Variants in B4GALNT2 observed in about 807,000 individuals in gnomAD.
B4GALNT2 encodes beta-1,4-N-acetyl-galactosaminyltransferase 2 (SID blood group).
In B4GALNT2, 42 loss-of-function variants were observed where a neutral mutation model predicts 51.1. The ratio of observed to expected loss-of-function variants is 0.82; its 90% CI spans 0.64 to 1.06. B4GALNT2 has a LOEUF of 1.06. B4GALNT2 is among the 50% of genes least tolerant of loss of function. The probability of loss-of-function intolerance (pLI) is 0.00; values close to 1 mark genes in which losing one functional copy is unlikely to be tolerated. For missense variants in B4GALNT2, 602 were observed against 633.6 expected (o/e 0.95, Z 0.54); for synonymous variants, 253 against 251.7 (o/e 1.01, Z -0.05).
chr17:49,131,670 C>A (rs567075661), upstream of B4GALNT2, among the ~76,000 whole-genome samples: 2 of 151,928 alleles, frequency 1.3e-5, 1 homozygote, highest in South Asian at 4.2e-4. Context: ...GCAATCACCC[C>A]GGGCTAATTT....
At chr17:49,122,903 T>G in the B4GALNT2 span, among the ~76,000 whole-genome samples, 6 of 152,218 alleles carry the variant, frequency 3.9e-5, 1 homozygote, top group Non-Finnish European at 7.3e-5. Context: ...CAGGGTGGCA[T>G]AGTCGAAAAT....
intron 1 of B4GALNT2, among the ~76,000 whole-genome samples, chr17:49,137,289 A>G (rs1416553410): frequency 6.6e-6 from 1 of 152,204 alleles, no homozygotes; most frequent in Non-Finnish European, 1.5e-5. Context: ...ATGGGGCCTT[A>G]TAAGAGGTGA....
intron 4 of B4GALNT2, among the ~76,000 whole-genome samples, chr17:49,154,584 A>G (rs1053704054): frequency 6.6e-6 from 1 of 151,598 alleles, no homozygotes; most frequent in Non-Finnish European, 1.5e-5. Context: ...ACCTCCAAGT[A>G]AGGTCTCGGT....
chr17:49,125,940 C>A, the B4GALNT2 span, among the ~76,000 whole-genome samples: 1 of 149,754 alleles, frequency 6.7e-6, no homozygotes, highest in East Asian at 2.0e-4. Context: ...CTCTGCCCGA[C>A]CGCCCCTACT....
chr17:49,158,477 T>C (rs1400788093), intron 5 of B4GALNT2, among the ~76,000 whole-genome samples: 1 of 151,832 alleles, frequency 6.6e-6, no homozygotes, highest in Non-Finnish European at 1.5e-5. Context: ...CTACTAAACA[T>C]ACAAAAACAA....
At chr17:49,147,374 C>CTTT (rs1475311406) in intron 3 of B4GALNT2, among the ~76,000 whole-genome samples, 175 of 143,924 alleles carry the variant, frequency 1.2e-3, no homozygotes, top group African/African-American at 4.1e-3. Context: ...TCTTTTCTTT[C>CTTT]TTTCTTTTTT....
At chr17:49,128,283 G>A (rs1372660762), upstream of B4GALNT2, among the ~76,000 whole-genome samples, 4 of 152,190 alleles carry the variant, frequency 2.6e-5, no homozygotes, top group South Asian at 8.3e-4. Context: ...GATTTGACTG[G>A]ATGGAGCAGT....
At chr17:49,131,361 C>T (rs1260811654), upstream of B4GALNT2, among the ~76,000 whole-genome samples, 2 of 149,138 alleles carry the variant, frequency 1.3e-5, no homozygotes, top group Non-Finnish European at 3.0e-5. Context: ...TGCTGGCTGC[C>T]AAGGAGCTCA....
At position 49,171,351 on chromosome 17, in the gene B4GALNT2, T is replaced by A; in HGVS notation, c.*1623T>A. 2.4e-6 allele frequency: 1 copy of A among 424,988 alleles called. No individual in the cohort carries two copies. The highest frequency in any genetic ancestry group is 7.1e-5 in the East Asian group (1 of 14,000). The allele number at this position is 424,988 out of a possible 1,614,324, so 26.3% of individuals were successfully genotyped here. A position where few individuals can be genotyped will look rare whatever the true frequency, so the allele number is the denominator to read the frequency against. On this transcript the variant is annotated 3_prime_UTR_variant, in exon 11 of 11. Coordinates refer to ENST00000393354, the MANE Select transcript of B4GALNT2 (RefSeq NM_001159387.2). Reference sequence around the variant, plus strand: ...TAATGGGTTAATATCTGCTAATCTGTCTGCAGCTCCTTCAAGCACTCCAGT... The same window carrying A: ...TAATGGGTTAATATCTGCTAATCTGACTGCAGCTCCTTCAAGCACTCCAGT...
intron 8 of B4GALNT2, among the ~76,000 whole-genome samples, chr17:49,164,962 C>A (rs919840064): frequency 6.6e-6 from 1 of 152,016 alleles, no homozygotes; most frequent in Non-Finnish European, 1.5e-5. Context: ...CAGGCATGCA[C>A]CATAATGCCA....
At chr17:49,163,398 G>A (rs2042881445) in intron 7 of B4GALNT2, among the ~76,000 whole-genome samples, 1 of 152,020 alleles carries the variant, frequency 6.6e-6, no homozygotes, top group African/African-American at 2.4e-5. Flanking sequence ...TCCTCTTCCT[G>A]GGCTTCATGA....
chr17:49,146,678 A>G (rs2144294440), intron 3 of B4GALNT2, among the ~76,000 whole-genome samples: 1 of 152,268 alleles, frequency 6.6e-6, no homozygotes. Flanking sequence ...TAGCTAAGCC[A>G]TGTGTCTAAA....
At chr17:49,151,613 G>A (rs1396656402) in intron 3 of B4GALNT2, among the ~76,000 whole-genome samples, 1 of 152,046 alleles carries the variant, frequency 6.6e-6, no homozygotes, top group Non-Finnish European at 1.5e-5. Flanking sequence ...GGGCATGGTG[G>A]TGTGTGCTTG....
rs937592145 is a variant in B4GALNT2 at position 49,152,865 on chromosome 17, A to C, written c.419A>C (p.His140Pro). The C allele has an allele frequency of 6.2e-7, 1 of 1,611,490 alleles. No homozygotes were observed. The highest frequency in any genetic ancestry group is 8.5e-7 in the Non-Finnish European group (1 of 1,178,786). Reference protein sequence around the residue: ...QPNLPFGYPVHGVEVMPLHTV... With the variant: ...QPNLPFGYPVPGVEVMPLHTV... The stretch of plus-strand genomic sequence containing the variant: ...AACCTCCCCTTTGGGTACCCAGTCC[A>C]CGGAGTGGAGGTGATGCCCCTGCAC... Residue 140 changes from histidine (H) to proline (P), a missense_variant, in exon 4 of 11, where the codon CAC becomes CCC. By Grantham distance (77) the His-to-Pro change is moderately conservative. Transcript: ENST00000393354.
chr17:49,139,818 G>T (rs1023797372), intron 1 of B4GALNT2, among the ~76,000 whole-genome samples: 1 of 151,768 alleles, frequency 6.6e-6, no homozygotes, highest in Non-Finnish European at 1.5e-5. Flanking sequence ...GCCCGGCGAG[G>T]TTACATTTGA....
upstream of B4GALNT2, among the ~76,000 whole-genome samples, chr17:49,127,873 T>C (rs1461030163): frequency 6.6e-6 from 1 of 152,180 alleles, no homozygotes; most frequent in Non-Finnish European, 1.5e-5. Flanking sequence ...CCACCAGAAG[T>C]CATTTTAGGG....
intron 8 of B4GALNT2, among the ~76,000 whole-genome samples, chr17:49,164,925 C>T (rs761461459): frequency 6.6e-6 from 1 of 152,134 alleles, no homozygotes; most frequent in Non-Finnish European, 1.5e-5. Context: ...GATTCTCTCA[C>T]CTCTGCCTCC....
upstream of B4GALNT2, chr17:49,132,589 C>A: frequency 2.2e-6 from 1 of 461,302 alleles, no homozygotes; most frequent in Non-Finnish European, 3.6e-6. Flanking sequence ...GCCCGATCAC[C>A]GGCAGCGGAG....
intron 4 of B4GALNT2, among the ~76,000 whole-genome samples, chr17:49,154,120 C>T (rs1207139190): frequency 6.6e-6 from 1 of 151,962 alleles, no homozygotes; most frequent in African/African-American, 2.4e-5. Flanking sequence ...TCTCCTGCCT[C>T]AGCCTCCCAA....
Sources: gnomAD v4.1 joint callset for allele counts (sites outside exome capture counted in the v4.1 genomes callset) on GRCh38, gnomAD v4.1.1 for gene constraint, MANE v1.5 for transcripts, NCBI Gene and HGNC (gene_info 2026-07-23, HGNC 2026-07-21) for gene names.